RGS22: variants seen among roughly 807,000 people sequenced by gnomAD.
The protein encoded by RGS22 is regulator of G protein signaling 22, also known as regulator of G-protein signaling 22.
A neutral mutation model predicts 172.9 loss-of-function variants in RGS22; 148 were observed. The observed-to-expected ratio is 0.86, with a 90% CI of 0.75 to 0.98. The LOEUF (loss-of-function observed/expected upper bound fraction) is 0.98, where lower values mean the gene tolerates loss of function less well. Among genes scored for constraint, RGS22 ranks in the 50% least tolerant of loss-of-function variants. The pLI is 0.00. For missense variants in RGS22, 1,347 were observed against 1,440.8 expected (o/e 0.93, Z 1.05); for synonymous variants, 458 against 480.2 (o/e 0.95, Z 0.60).
chr8:100,063,758 C>T lies in RGS22; in HGVS notation c.1010G>A (p.Gly337Glu), dbSNP rs756080918. The change falls in exon 8 of 28, where the codon GGA becomes GAA. Residue 337 changes from glycine to glutamate, a missense_variant. Transcript: ENST00000360863. ...AIQQIVGKPVGETPDYINFNN... is the reference protein window; with the variant it reads ...AIQQIVGKPVEETPDYINFNN... ...GAAGTTTATATAGTCTGGGGTTTCT[C>T]CAACTGGCTTTCCAACAATTTGCTG... 5.2e-5 allele frequency: 84 copies of T among 1,613,942 alleles called. No individual in the cohort carries two copies. Among genetic ancestry groups the T allele is most frequent in the Non-Finnish European group, 6.9e-5 (81 of 1,179,998 alleles).
At chr8:100,046,815 T>A (rs1485838364) in intron 11 of RGS22, among the ~76,000 whole-genome samples, 2 of 151,498 alleles carry the variant, frequency 1.3e-5, no homozygotes, top group Non-Finnish European at 2.9e-5. Flanking sequence ...ATACCGTTTT[T>A]TGTTTTTTTG....
At chr8:100,051,410 T>A (rs1336146110) in intron 10 of RGS22, among the ~76,000 whole-genome samples, 3 of 127,766 alleles carry the variant, frequency 2.3e-5, no homozygotes, top group African/African-American at 8.9e-5. Flanking sequence ...TATATATTTA[T>A]TATATATATA....
intron 14 of RGS22, among the ~76,000 whole-genome samples, chr8:100,036,835 G>T (rs1054404709): frequency 1.3e-5 from 2 of 152,126 alleles, no homozygotes; most frequent in African/African-American, 4.8e-5. Flanking sequence ...CTGGGCTCAA[G>T]CAATCCTCTT....
Position 100,039,956 on chromosome 8 carries a change from T to A in RGS22, c.2064+6A>T. On this transcript the variant is annotated splice_donor_region_variant and intron_variant, in intron 13 of 27. Transcript: ENST00000360863. ...TAAAATTAAATTTTAAATAATTCTT[T>A]TCTACCTTGTTCCCTGAATGCTCGC... 6.9e-7 allele frequency: 1 copy of A among 1,451,310 alleles called. No homozygotes were observed. Among genetic ancestry groups the A allele is most frequent in the Non-Finnish European group, 9.1e-7 (1 of 1,097,252 alleles). 89.9% of individuals were successfully genotyped at this position (1,451,310 alleles called of 1,614,324 possible).
At chr8:100,071,569 A>T (rs775312854) in intron 5 of RGS22, 32 bp from the exon 6 acceptor site, 3 of 1,566,234 alleles carry the variant, frequency 1.9e-6, no homozygotes, top group African/African-American at 2.7e-5. Context: ...AATTTAAAAC[A>T]AGTTTCAAAT....
intron 9 of RGS22, among the ~76,000 whole-genome samples, chr8:100,056,395 G>A (rs541581930): frequency 1.3e-5 from 2 of 152,206 alleles, no homozygotes; most frequent in Non-Finnish European, 2.9e-5. Flanking sequence ...AAGTAATGAT[G>A]AGCCAAATGT....
chr8:99,964,156 T>G (rs958677248), intron 24 of RGS22, among the ~76,000 whole-genome samples: 1 of 151,946 alleles, frequency 6.6e-6, no homozygotes, highest in Non-Finnish European at 1.5e-5. Context: ...AATACTGACT[T>G]GTGATAAAAA....
chr8:100,044,041 A>G (rs1199120095), intron 11 of RGS22, among the ~76,000 whole-genome samples: 1 of 152,128 alleles, frequency 6.6e-6, no homozygotes, highest in African/African-American at 2.4e-5. Context: ...AAGAAAGAAA[A>G]CCTGAATAGA....
rs1345185790 is a variant in RGS22, at chr8:100,053,766, G to A, written c.1515-790C>T. Among the ~76,000 whole-genome samples the A allele has an allele frequency of 2.6e-5, 4 of 151,990 alleles. No individual in the cohort carries two copies. In the East Asian group the frequency reaches 7.7e-4, roughly 29 times the overall value. ...TTCTCCTGCCTCAGCCTCCCAAGTA[G>A]CTGGGACTACAGGCGTGTGCCACCA... On this transcript the variant is annotated intron_variant, in intron 9 of 27. Transcript: ENST00000360863.
chr8:100,093,513 C>CAA lies in RGS22; in HGVS notation c.55-6_55-5dup, dbSNP rs748929025. The CAA allele has an allele frequency of 1.8e-4, 236 of 1,347,894 alleles. No homozygotes were observed. The highest frequency in any genetic ancestry group is 2.1e-4 in the Non-Finnish European group (212 of 991,654). The allele number at this position is 1,347,894 out of a possible 1,614,324, so 83.5% of individuals were successfully genotyped here. On this transcript the variant is annotated splice_polypyrimidine_tract_variant and splice_region_variant and intron_variant, in intron 2 of 27. Coordinates refer to ENST00000360863, the MANE Select transcript of RGS22 (RefSeq NM_015668.5). Reference sequence around the variant, plus strand: ...CATCTGTTGCCAGAGAATCTTCCTGCAAAAAAAAAACATAAAAACACAGTA... The same window carrying CAA: ...CATCTGTTGCCAGAGAATCTTCCTGCAAAAAAAAAAAACATAAAAACACAGTA...
intron 14 of RGS22, among the ~76,000 whole-genome samples, chr8:100,029,030 T>C (rs1818482090): frequency 6.6e-6 from 1 of 152,230 alleles, no homozygotes. Context: ...GGCTGCCATA[T>C]GGAGACAGCC....
chr8:100,038,010 C>T (rs570904154), intron 14 of RGS22, among the ~76,000 whole-genome samples: 68 of 151,986 alleles, frequency 4.5e-4, no homozygotes, highest in Non-Finnish European at 7.8e-4. Context: ...GAACATCCAG[C>T]GGTACACTAT....
chr8:100,051,409 A>T (rs1390102595), intron 10 of RGS22, among the ~76,000 whole-genome samples: 1 of 127,722 alleles, frequency 7.8e-6, no homozygotes, highest in Non-Finnish European at 1.6e-5. Context: ...ATATATATTT[A>T]TTATATATAT....
chr8:99,983,464 G>T (rs1265113967), intron 21 of RGS22, among the ~76,000 whole-genome samples: 1 of 152,038 alleles, frequency 6.6e-6, no homozygotes, highest in East Asian at 1.9e-4. Context: ...TCACCAAGCA[G>T]CTGTTATTTT....
intron 23 of RGS22, among the ~76,000 whole-genome samples, chr8:99,976,653 G>A (rs929393116): frequency 5.3e-5 from 8 of 152,118 alleles, no homozygotes; most frequent in Non-Finnish European, 1.2e-4. Context: ...GAGCCACTGC[G>A]CCCGACTGAA....
At chr8:99,998,106 C>T (rs1286602264) in intron 19 of RGS22, among the ~76,000 whole-genome samples, 1 of 152,096 alleles carries the variant, frequency 6.6e-6, no homozygotes, top group Non-Finnish European at 1.5e-5. Context: ...TTCCATAGTA[C>T]AGAATTATCA....
chr8:99,981,149 C>A (rs1812508937), intron 22 of RGS22, among the ~76,000 whole-genome samples: 3 of 152,076 alleles, frequency 2.0e-5, no homozygotes, highest in African/African-American at 4.8e-5. Flanking sequence ...TTTTCTTAAT[C>A]ATTTTTTAGT....
At chr8:100,033,224 C>A (rs939527520) in intron 14 of RGS22, among the ~76,000 whole-genome samples, 5 of 152,022 alleles carry the variant, frequency 3.3e-5, no homozygotes, top group African/African-American at 1.2e-4. Flanking sequence ...ATCAATGAAT[C>A]CAGGAGCTGG....
chr8:100,031,250 A>G (rs1764600720), intron 14 of RGS22, among the ~76,000 whole-genome samples: 1 of 152,182 alleles, frequency 6.6e-6, no homozygotes, highest in Non-Finnish European at 1.5e-5. Flanking sequence ...TAAATAATTC[A>G]TGTCTTCAAT....
Sources: gnomAD v4.1 joint callset for allele counts (sites outside exome capture counted in the v4.1 genomes callset) on GRCh38, gnomAD v4.1.1 for gene constraint, MANE v1.5 for transcripts, NCBI Gene and HGNC (gene_info 2026-07-23, HGNC 2026-07-21) for gene names.